TGFBR1: variants seen among roughly 807,000 people sequenced by gnomAD.
The protein encoded by TGFBR1 is TGF-beta receptor type-1.
TGFBR1 carries 20 observed loss-of-function variants against 55.1 expected under a neutral mutation model. The ratio of observed to expected loss-of-function variants is 0.36; its 90% CI spans 0.26 to 0.53. TGFBR1 has a LOEUF of 0.53. TGFBR1 is among the 20% of genes least tolerant of loss of function. The probability of loss-of-function intolerance (pLI) is 0.91; values close to 1 mark genes in which losing one functional copy is unlikely to be tolerated. For synonymous variants in TGFBR1, 220 were observed against 214.8 expected (o/e 1.02, Z -0.21); for missense variants, 385 against 617.6 (o/e 0.62, Z 3.99).
chr9:99,134,180 A>G (rs188677503), intron 3 of TGFBR1, among the ~76,000 whole-genome samples: 25 of 152,312 alleles, frequency 1.6e-4, no homozygotes, highest in Non-Finnish European at 2.9e-4. Context: ...ATATATTGGT[A>G]TGTATGCATA....
In TGFBR1 at chr9:99,129,080, A is replaced by C. The variant is rs1827131884; in HGVS notation, c.323A>C (p.Lys108Thr). 1 of 1,613,866 alleles carries C rather than the reference A, an allele frequency of 6.2e-7. No individual in the cohort carries two copies. The highest frequency in any genetic ancestry group is 8.5e-7 in the Non-Finnish European group (1 of 1,179,918). ...TYCCNQDHCN[K>T]IELPTTVKSS... The stretch of plus-strand genomic sequence containing the variant: ...TGCTGCAATCAGGACCATTGCAATA[A>C]AATAGAACTTCCAACTACTGGTAAG... Residue 108 changes from lysine (K) to threonine (T), a missense_variant, in exon 2 of 9, where the codon AAA becomes ACA. Lys to Thr is a moderately conservative substitution (Grantham distance 78, BLOSUM62 -1). Around this residue, in one of 5 missense-constraint regions of TGFBR1, gnomAD observed 146 missense variants for 167.7 expected, o/e 0.87. Transcript: ENST00000374994.
At chr9:99,132,079 TTTG>T (rs1303431833) in intron 2 of TGFBR1, among the ~76,000 whole-genome samples, 7 of 151,968 alleles carry the variant, frequency 4.6e-5, no homozygotes, top group Admixed American at 1.3e-4. Flanking sequence ...TGTTGTTTTT[TTTG>T]TTGTTGTTTT....
At chr9:99,148,111 G>T (rs186447687) in intron 8 of TGFBR1, among the ~76,000 whole-genome samples, 6 of 152,250 alleles carry the variant, frequency 3.9e-5, no homozygotes, top group Non-Finnish European at 7.4e-5. Flanking sequence ...TGAATGAGGA[G>T]CCCTGTATTC....
chr9:99,146,029 C>T (rs1827784182), intron 6 of TGFBR1: 1 of 261,854 alleles, frequency 3.8e-6, no homozygotes, highest in Admixed American at 5.2e-5. Flanking sequence ...CTCTGTGGGT[C>T]CTGACCCATA....
intron 3 of TGFBR1, among the ~76,000 whole-genome samples, chr9:99,136,067 C>T (rs371595738): frequency 6.6e-6 from 1 of 152,076 alleles, no homozygotes; most frequent in East Asian, 1.9e-4. Flanking sequence ...GTTGGCCAGG[C>T]TGATCTTGAA....
intron 1 of TGFBR1, among the ~76,000 whole-genome samples, chr9:99,106,729 A>G (rs984023770): frequency 1.4e-4 from 21 of 152,284 alleles, no homozygotes; most frequent in African/African-American, 4.6e-4. Flanking sequence ...TATACATCAT[A>G]CTATCTGGCG....
chr9:99,108,194 G>A (rs576106794), intron 1 of TGFBR1, among the ~76,000 whole-genome samples: 11 of 152,130 alleles, frequency 7.2e-5, no homozygotes, highest in Admixed American at 4.6e-4. Context: ...TTGTAATTCC[G>A]TATAAATAAT....
chr9:99,134,887 C>G (rs1174700688), intron 3 of TGFBR1, among the ~76,000 whole-genome samples: 1 of 132,234 alleles, frequency 7.6e-6, no homozygotes, highest in East Asian at 2.2e-4. Flanking sequence ...GCTCTCTGTT[C>G]TCTGAAAGCT....
intron 2 of TGFBR1, among the ~76,000 whole-genome samples, chr9:99,131,323 AAC>A (rs1000970096): frequency 9.2e-5 from 14 of 152,308 alleles, no homozygotes; most frequent in African/African-American, 3.4e-4. Context: ...ATACAAAGGC[AAC>A]AGCCTTCTTG....
chr9:99,128,659 T>TC (rs1184009132), intron 1 of TGFBR1, 196 bp from the exon 2 acceptor site: 6 of 761,630 alleles, frequency 7.9e-6, no homozygotes, highest in Non-Finnish European at 1.3e-5. Context: ...TCCTTGGGCT[T>TC]CCACGTGTAT....
chr9:99,108,303 T>G (rs970559493), intron 1 of TGFBR1, among the ~76,000 whole-genome samples: 1 of 152,226 alleles, frequency 6.6e-6, no homozygotes, highest in Non-Finnish European at 1.5e-5. Flanking sequence ...TTTGCCTAAT[T>G]CATGAGATTG....
chr9:99,113,505 A>C (rs1480163102), intron 1 of TGFBR1, among the ~76,000 whole-genome samples: 1 of 152,184 alleles, frequency 6.6e-6, no homozygotes, highest in Non-Finnish European at 1.5e-5. Flanking sequence ...ATTTAATGAA[A>C]TATTTGTTTA....
chr9:99,132,761 T>C, intron 3 of TGFBR1, 22 bp downstream of exon 3: 1 of 1,613,862 alleles, frequency 6.2e-7, no homozygotes, highest in Non-Finnish European at 8.5e-7. Context: ...GTTTCTCCTT[T>C]TTCCTAAGAC....
At chr9:99,140,154 G>GT (rs1299556049) in intron 4 of TGFBR1, among the ~76,000 whole-genome samples, 5 of 152,046 alleles carry the variant, frequency 3.3e-5, no homozygotes, top group Non-Finnish European at 5.9e-5. Flanking sequence ...TACCTCTTAA[G>GT]TTAAAAACAA....
intron 1 of TGFBR1, among the ~76,000 whole-genome samples, chr9:99,112,217 G>A (rs949355885): frequency 3.9e-5 from 6 of 152,178 alleles, no homozygotes; most frequent in African/African-American, 1.4e-4. Flanking sequence ...TGAGAACGGG[G>A]TGAAATGGTG....
chr9:99,109,537 A>T (rs1231933200), intron 1 of TGFBR1, among the ~76,000 whole-genome samples: 1 of 152,186 alleles, frequency 6.6e-6, no homozygotes, highest in Non-Finnish European at 1.5e-5. Context: ...CCATTCTTGT[A>T]GTGTCATTTT....
Position 99,144,942 on chromosome 9 carries a change from T to G in TGFBR1, c.1130+54T>G, listed in dbSNP as rs1827745483. On this transcript the variant is annotated intron_variant, in intron 6 of 8. Coordinates refer to ENST00000374994, the MANE Select transcript of TGFBR1 (RefSeq NM_004612.4). ...TCTTCTGAAATCACCTTTTTTCCCT[T>G]CTCTTTCATATATACATATCATTGC... The G allele has an allele frequency of 1.9e-6, 3 of 1,586,772 alleles. No individual in the cohort carries two copies. In the East Asian group the frequency reaches 6.8e-5, roughly 36 times the overall value.
At chr9:99,143,217 G>A (rs1424063180) in intron 5 of TGFBR1, among the ~76,000 whole-genome samples, 2 of 152,104 alleles carry the variant, frequency 1.3e-5, no homozygotes, top group African/African-American at 2.4e-5. Context: ...TAACAAAACT[G>A]TGATTTTTTT....
rs905444372 is a variant in TGFBR1, at chr9:99,152,079, G to A, written c.*2774G>A. The A allele has an allele frequency of 4.9e-6, 1 of 205,032 alleles. No individual in the cohort carries two copies. The highest frequency in any genetic ancestry group is 1.0e-5 in the Non-Finnish European group (1 of 100,054). 12.7% of individuals were successfully genotyped at this position (205,032 alleles called of 1,614,324 possible). A position where few individuals can be genotyped will look rare whatever the true frequency, so the allele number is the denominator to read the frequency against. On this transcript the variant is annotated 3_prime_UTR_variant, in exon 9 of 9. Transcript: ENST00000374994. ...GCTGTTTCTTGGAACCTGCTCTCCT[G>A]CTTGCTGGTCCCTGACGCAGAGACC...
Sources: gnomAD v4.1 joint callset for allele counts (sites outside exome capture counted in the v4.1 genomes callset) on GRCh38, gnomAD v4.1.1 for gene constraint, gnomAD v4.1.1 regional missense constraint, MANE v1.5 for transcripts, NCBI Gene and HGNC (gene_info 2026-07-23, HGNC 2026-07-21) for gene names.